The following MTOR variants were observed in gnomAD, a reference collection of about 807,000 sequenced individuals.
MTOR encodes the protein serine/threonine-protein kinase mTOR.
MTOR carries 70 observed loss-of-function variants against 319.8 expected under a neutral mutation model. That is an observed-to-expected ratio of 0.22 (90% CI 0.18 to 0.27). MTOR has a LOEUF of 0.27. Ranked by LOEUF, MTOR falls within the 10% of genes least tolerant of loss-of-function variation. The probability of loss-of-function intolerance (pLI) is 1.00; values close to 1 mark genes in which losing one functional copy is unlikely to be tolerated. For synonymous variants in MTOR, 1,183 were observed against 1,211.4 expected, an observed-to-expected ratio of 0.98 and a Z score of 0.49; for missense variants, 1,890 against 3,274.4, an observed-to-expected ratio of 0.58 and a Z score of 10.32.
chr1:11,108,428 G>A (rs1420912988), intron 56 of MTOR, 142 bp from the exon 57 acceptor site: 2 of 686,350 alleles, frequency 2.9e-6, no homozygotes, highest in East Asian at 5.9e-5. Flanking sequence ...GATTTGAAAA[G>A]TTTGGCCAGG....
At chr1:11,155,335 TC>T (rs1281626230) in intron 30 of MTOR, among the ~76,000 whole-genome samples, 2 of 152,058 alleles carry the variant, frequency 1.3e-5, no homozygotes, top group Non-Finnish European at 2.9e-5. Flanking sequence ...TCAATGTACA[TC>T]CCTGTGATGG....
chr1:11,147,410 C>T lies in MTOR; in HGVS notation c.4571-619G>A, dbSNP rs575482518. ...ATTAGACAGGGGAAATAGCTGCATC[C>T]GGGAAGAGGTATTCACTTCTCCTGG... On this transcript the variant is annotated intron_variant, in intron 31 of 57. Transcript: ENST00000361445. Among the ~76,000 whole-genome samples the T allele has an allele frequency of 3.3e-5, 5 of 152,240 alleles. No homozygotes were observed. The South Asian group carries it at 6.2e-4, about 19-fold the overall frequency.
rs1645904898 is a variant in MTOR, at chr1:11,199,927, T to C, written c.3945-224A>G. On this transcript the variant is annotated intron_variant, in intron 26 of 57. Coordinates refer to ENST00000361445, the MANE Select transcript of MTOR (RefSeq NM_004958.4). This position sits in a 1 kb window ranked among gnomAD's most constrained non-coding sequence, Gnocchi z 4.5. Reference sequence around the variant, plus strand: ...TGTGGCCAAGGAACTGAATTTTACATTTTATTTATTTTTAATTAACCACAT... The same window carrying C: ...TGTGGCCAAGGAACTGAATTTTACACTTTATTTATTTTTAATTAACCACAT... 2.0e-5 allele frequency among the ~76,000 whole-genome samples: 3 copies of C among 152,124 alleles called. No homozygotes were observed. Among genetic ancestry groups the C allele is most frequent in the Non-Finnish European group, 4.4e-5 (3 of 68,022 alleles).
chr1:11,236,012 G>A (rs1410143737), intron 13 of MTOR, among the ~76,000 whole-genome samples: 2 of 151,236 alleles, frequency 1.3e-5, no homozygotes, highest in Admixed American at 6.6e-5. Context: ...TTGCAGCCAC[G>A]CCTGGCTTGT....
rs113836556 is a variant in MTOR at position 11,262,028 on chromosome 1, C to G, written c.-15+417G>C. 2.4e-3 allele frequency among the ~76,000 whole-genome samples: 361 copies of G among 152,256 alleles called. 3 individuals are homozygous for G. Among genetic ancestry groups the G allele is most frequent in the African/African-American group, 7.8e-3 (326 of 41,544 alleles). ...AGAAGATGTACCCCAACGATGTAAC[C>G]AAGCTCAGTTTCGGGGACTGGATCT... On this transcript the variant is annotated intron_variant, in intron 1 of 57. Coordinates refer to ENST00000361445, the MANE Select transcript of MTOR (RefSeq NM_004958.4).
At chr1:11,194,364 G>T (rs1264786168) in intron 28 of MTOR, 2 of 1,125,284 alleles carry the variant, frequency 1.8e-6, no homozygotes, top group Non-Finnish European at 2.6e-6. Context: ...CCTATAAAAA[G>T]ATGTTTGGCT....
intron 19 of MTOR, chr1:11,226,264 TG>T: frequency 6.6e-6 from 1 of 152,324 alleles, no homozygotes; most frequent in East Asian, 1.9e-4. Context: ...GTGCTCATTT[TG>T]GCAGCACGTA....
At chr1:11,113,523 T>C (rs1642001937) in intron 53 of MTOR, among the ~76,000 whole-genome samples, 2 of 152,342 alleles carry the variant, frequency 1.3e-5, no homozygotes, top group East Asian at 1.9e-4. Flanking sequence ...GTGCTGGATA[T>C]TGCTAATTTG....
At chr1:11,155,318 A>T (rs1644283416) in intron 30 of MTOR, among the ~76,000 whole-genome samples, 1 of 152,170 alleles carries the variant, frequency 6.6e-6, no homozygotes, top group Non-Finnish European at 1.5e-5. Context: ...AAAACAGCAC[A>T]TTGCCGTCAA....
Position 11,189,840 on chromosome 1 carries a change from C to G in MTOR, c.4253+9418G>C, listed in dbSNP as rs761178117. On this transcript the variant is annotated intron_variant, in intron 28 of 57. Transcript: ENST00000361445. ...TGCAGGTGATGGAGCTGGAGAGCAA[C>G]AGCAAGCGCATGGAGTCGCGGCTCA... The G allele has an allele frequency of 1.3e-5, 21 of 1,614,112 alleles. No homozygotes were observed. Among genetic ancestry groups the G allele is most frequent in the African/African-American group, 1.1e-4 (8 of 74,938 alleles).
intron 46 of MTOR, among the ~76,000 whole-genome samples, chr1:11,126,393 C>CT (rs1642839281): frequency 6.6e-6 from 1 of 152,184 alleles, no homozygotes; most frequent in South Asian, 2.1e-4. Flanking sequence ...TTGTCATTCC[C>CT]TTTATGTGTG....
chr1:11,232,364 G>T (rs1647047581), intron 16 of MTOR, 72 bp downstream of exon 16: 1 of 1,135,252 alleles, frequency 8.8e-7, no homozygotes, highest in Admixed American at 1.8e-5. Flanking sequence ...GGACACTAAG[G>T]TGAATAAAGA....
At chr1:11,228,295 TCTC>T (rs1440344188) in intron 19 of MTOR, among the ~76,000 whole-genome samples, 5 of 151,990 alleles carry the variant, frequency 3.3e-5, no homozygotes, top group African/African-American at 4.8e-5. Flanking sequence ...TTCAAGGGAT[TCTC>T]CTGCCTTAGC....
intron 26 of MTOR, among the ~76,000 whole-genome samples, chr1:11,202,951 G>A (rs112986035): frequency 0.059 from 8,987 of 151,858 alleles, 375 homozygotes; most frequent in South Asian, 0.12. Context: ...GGTGGCTCAC[G>A]CCTGTAATCC....
At chr1:11,230,088 C>A (rs1569687994) in intron 18 of MTOR, among the ~76,000 whole-genome samples, 1 of 151,482 alleles carries the variant, frequency 6.6e-6, no homozygotes, top group Non-Finnish European at 1.5e-5. Context: ...CCTATTCCCC[C>A]TCCCTGAGTC....
chr1:11,227,832 G>C (rs2100850055), intron 19 of MTOR, among the ~76,000 whole-genome samples: 1 of 152,256 alleles, frequency 6.6e-6, no homozygotes, highest in South Asian at 2.1e-4. Flanking sequence ...CGGATGGAAG[G>C]TAGCTGAGGA....
Position 11,175,746 on chromosome 1 carries a change from G to GTTTTTTTT in MTOR, c.4254-8237_4254-8230dup, listed in dbSNP as rs34392850. On this transcript the variant is annotated intron_variant, in intron 28 of 57. Coordinates refer to ENST00000361445, the MANE Select transcript of MTOR (RefSeq NM_004958.4). The stretch of plus-strand genomic sequence containing the variant: ...TTTCCTCTCAGGCTCTCCCTAGCAG[G>GTTTTTTTT]TTTTTTTTTTTTTTTTGAGACAGGG... Among the ~76,000 whole-genome samples the GTTTTTTTT allele has an allele frequency of 7.4e-3, 1,021 of 137,194 alleles. 18 individuals carry two copies. The highest frequency in any genetic ancestry group is 9.1e-3 in the African/African-American group (330 of 36,410). 90.0% of individuals were successfully genotyped at this position (137,194 alleles called of 152,430 possible).
chr1:11,227,406 A>G (rs577447733), intron 19 of MTOR, among the ~76,000 whole-genome samples: 6 of 152,130 alleles, frequency 3.9e-5, no homozygotes, highest in Non-Finnish European at 7.3e-5. Context: ...GTTAGGAAAC[A>G]TAATTTCTAA....
intron 19 of MTOR, among the ~76,000 whole-genome samples, chr1:11,219,794 C>T (rs912256065): frequency 2.6e-5 from 4 of 151,592 alleles, no homozygotes; most frequent in Admixed American, 6.6e-5. Flanking sequence ...AAGGCTGAGG[C>T]GGGTGGATTG....
Sources: allele counts gnomAD v4.1 joint callset (sites outside exome capture counted in the v4.1 genomes callset), GRCh38; gene constraint gnomAD v4.1.1; non-coding constraint Gnocchi (gnomAD v3.1); transcripts MANE v1.5; gene names NCBI Gene and HGNC (gene_info 2026-07-23, HGNC 2026-07-21).